PRIM2: variants seen among roughly 807,000 people sequenced by gnomAD.
PRIM2 encodes the protein DNA primase subunit 2.
Under a neutral mutation model 67.3 loss-of-function variants are expected in PRIM2, and 39 were observed. The observed-to-expected ratio is 0.58, with a 90% CI of 0.45 to 0.76. The LOEUF (loss-of-function observed/expected upper bound fraction) is 0.76. Among genes scored for constraint, PRIM2 ranks in the 30% least tolerant of loss-of-function variants. The pLI, the probability that PRIM2 is intolerant of heterozygous loss-of-function variation, is 0.00. For synonymous variants in PRIM2, 143 were observed against 198.7 expected (o/e 0.72, Z 2.36); for missense variants, 398 against 598.7 (o/e 0.66, Z 3.50).
chr6:57,634,496 T>C (rs1308211151), intron 13 of PRIM2, among the ~76,000 whole-genome samples: 28,515 of 151,750 alleles, frequency 0.19, 454 homozygotes, highest in African/African-American at 0.25. Context: ...CAGGTTTATA[T>C]GACTCGCTCT....
At chr6:57,331,730 A>G (rs1157137422) in intron 5 of PRIM2, among the ~76,000 whole-genome samples, 1 of 152,112 alleles carries the variant, frequency 6.6e-6, no homozygotes, top group African/African-American at 2.4e-5. Context: ...TTAAGAAAAT[A>G]AAAGGATTGG....
chr6:57,574,820 A>C (rs1775933016), intron 10 of PRIM2, among the ~76,000 whole-genome samples: 1 of 151,488 alleles, frequency 6.6e-6, no homozygotes, highest in East Asian at 1.9e-4. Context: ...TCGTTTATTC[A>C]GTAAGTACTA....
At chr6:57,324,535 A>G (rs1767778897) in intron 4 of PRIM2, among the ~76,000 whole-genome samples, 1 of 152,150 alleles carries the variant, frequency 6.6e-6, no homozygotes, top group African/African-American at 2.4e-5. Flanking sequence ...TTCATTTGGG[A>G]TTTTAAATTG....
intron 7 of PRIM2, among the ~76,000 whole-genome samples, chr6:57,443,398 C>G (rs11965230): frequency 6.6e-6 from 1 of 152,014 alleles, no homozygotes; most frequent in Admixed American, 6.6e-5. Context: ...TTACTCCATG[C>G]CCTTGCCACC....
intron 7 of PRIM2, among the ~76,000 whole-genome samples, chr6:57,411,067 A>G (rs1365946377): frequency 5.3e-5 from 8 of 151,606 alleles, no homozygotes; most frequent in African/African-American, 1.9e-4. Context: ...ATGGTTGGTG[A>G]TGTCTTCATG....
At chr6:57,620,578 A>G (rs1242573716) in intron 12 of PRIM2, among the ~76,000 whole-genome samples, 7 of 152,226 alleles carry the variant, frequency 4.6e-5, no homozygotes, top group African/African-American at 1.4e-4. Flanking sequence ...TAAATCTTGA[A>G]ACAAATCCAG....
chr6:57,635,514 A>G (rs1777103445), intron 13 of PRIM2, among the ~76,000 whole-genome samples: 1 of 152,060 alleles, frequency 6.6e-6, no homozygotes, highest in African/African-American at 2.4e-5. Flanking sequence ...GTGTAGATTC[A>G]TCACAGAATT....
intron 10 of PRIM2, among the ~76,000 whole-genome samples, chr6:57,541,053 A>G (rs1423229356): frequency 6.6e-6 from 1 of 152,218 alleles, no homozygotes; most frequent in Non-Finnish European, 1.5e-5. Flanking sequence ...TAATGCTGGA[A>G]ATGCTTCCCC....
At chr6:57,268,615 C>T in the PRIM2 span, among the ~76,000 whole-genome samples, 3 of 151,458 alleles carry the variant, frequency 2.0e-5, no homozygotes, top group Non-Finnish European at 4.4e-5. Context: ...TTTCCCCCCA[C>T]ATTTACTTAT....
chr6:57,369,882 A>G (rs1769487467), intron 5 of PRIM2, among the ~76,000 whole-genome samples: 1 of 152,254 alleles, frequency 6.6e-6, no homozygotes, highest in African/African-American at 2.4e-5. Context: ...AGCCTGAAAT[A>G]CAGAAACTAA....
chr6:57,292,845 G>A, the PRIM2 span, among the ~76,000 whole-genome samples: 2 of 152,098 alleles, frequency 1.3e-5, no homozygotes, highest in Non-Finnish European at 2.9e-5. Context: ...AACTCACAGT[G>A]GATTAAAGAC....
chr6:57,530,653 C>T (rs1372852588), intron 8 of PRIM2, among the ~76,000 whole-genome samples: 1 of 151,774 alleles, frequency 6.6e-6, no homozygotes, highest in Non-Finnish European at 1.5e-5. Flanking sequence ...CAGAGTAATT[C>T]TCAGGTCCTT....
At chr6:57,285,809 G>T in the PRIM2 span, among the ~76,000 whole-genome samples, 1 of 152,200 alleles carries the variant, frequency 6.6e-6, no homozygotes, top group East Asian at 1.9e-4. Flanking sequence ...GGAAGAGGAA[G>T]TCAAATTGTC....
chr6:57,390,833 G>C (rs1770317929), intron 7 of PRIM2, among the ~76,000 whole-genome samples: 1 of 152,132 alleles, frequency 6.6e-6, no homozygotes, highest in Non-Finnish European at 1.5e-5. Context: ...TGTAAATGGT[G>C]CTGCAATGAA....
rs1311842357 is a variant in PRIM2, at chr6:57,440,837, C to T, written c.693+58669C>T. Among the ~76,000 whole-genome samples the T allele has an allele frequency of 3.3e-5, 5 of 152,338 alleles. No individual in the cohort carries two copies. The East Asian group carries it at 9.6e-4, about 29-fold the overall frequency. On this transcript the variant is annotated intron_variant, in intron 7 of 13. Coordinates refer to ENST00000615550, the MANE Select transcript of PRIM2 (RefSeq NM_000947.5). Reference sequence around the variant, plus strand: ...AATCTTTTCCCTATAGAATTTCCTACAGACAAATCTTGAAGTAAGACCTTT... The same window carrying T: ...AATCTTTTCCCTATAGAATTTCCTATAGACAAATCTTGAAGTAAGACCTTT...
chr6:57,348,822 A>C (rs1167106116), intron 5 of PRIM2, among the ~76,000 whole-genome samples: 1 of 139,962 alleles, frequency 7.1e-6, no homozygotes, highest in Non-Finnish European at 1.5e-5. Context: ...ATCTCGGCTC[A>C]CTGCAACCTC....
intron 7 of PRIM2, among the ~76,000 whole-genome samples, chr6:57,498,824 CT>C (rs1376815577): frequency 1.3e-5 from 2 of 152,154 alleles, no homozygotes; most frequent in African/African-American, 4.8e-5. Context: ...GCCACCTTTG[CT>C]TTTAAAATGT....
intron 7 of PRIM2, among the ~76,000 whole-genome samples, chr6:57,456,294 G>A (rs1355558489): frequency 2.0e-5 from 3 of 152,164 alleles, no homozygotes; most frequent in Non-Finnish European, 1.5e-5. Flanking sequence ...GAGTATCTTT[G>A]TGGCATTCTC....
chr6:57,377,717 G>T (rs1435359738), intron 5 of PRIM2, among the ~76,000 whole-genome samples: 19 of 151,694 alleles, frequency 1.3e-4, no homozygotes, highest in African/African-American at 4.1e-4. Context: ...AATTTTTTTT[G>T]TCTATTTCTA....
Sources: gnomAD v4.1 joint callset for allele counts (sites outside exome capture counted in the v4.1 genomes callset) on GRCh38, gnomAD v4.1.1 for gene constraint, MANE v1.5 for transcripts, NCBI Gene and HGNC (gene_info 2026-07-23, HGNC 2026-07-21) for gene names.